The following RIMS4 variants were observed in gnomAD, a reference collection of about 807,000 sequenced individuals.
The protein encoded by RIMS4 is regulating synaptic membrane exocytosis 4.
A neutral mutation model predicts 29.0 loss-of-function variants in RIMS4; 9 were observed. The observed-to-expected ratio is 0.31, with a 90% CI of 0.19 to 0.54. The LOEUF is 0.54. RIMS4 is among the 20% of genes least tolerant of loss of function. RIMS4 has a pLI of 0.94. For synonymous variants in RIMS4, 130 were observed against 152.9 expected, an observed-to-expected ratio of 0.85 and a Z score of 1.10; for missense variants, 193 against 365.7, an observed-to-expected ratio of 0.53 and a Z score of 3.85.
chr20:44,806,522 G>T (rs553070357), intron 1 of RIMS4, among the ~76,000 whole-genome samples: 3 of 152,288 alleles, frequency 2.0e-5, no homozygotes, highest in African/African-American at 7.2e-5. Context: ...TAACTGTAAT[G>T]ATGCAATAAG....
chr20:44,779,304 T>C (rs893257761), intron 1 of RIMS4, among the ~76,000 whole-genome samples: 17 of 152,202 alleles, frequency 1.1e-4, no homozygotes, highest in African/African-American at 3.6e-4. Context: ...GTTGTAAGTG[T>C]ATACCTTGAT....
At chr20:44,796,103 G>A (rs954670336) in intron 1 of RIMS4, among the ~76,000 whole-genome samples, 9 of 130,312 alleles carry the variant, frequency 6.9e-5, no homozygotes, top group Admixed American at 1.7e-4. Context: ...CTCCCCTGCC[G>A]TGCCTTCACT....
intron 1 of RIMS4, among the ~76,000 whole-genome samples, chr20:44,778,859 A>G (rs559138203): frequency 6.6e-6 from 1 of 150,818 alleles, no homozygotes; most frequent in East Asian, 1.9e-4. Context: ...AAGTTACTCA[A>G]CCTCTCTGTG....
At chr20:44,786,269 C>T (rs2066208107) in intron 1 of RIMS4, among the ~76,000 whole-genome samples, 1 of 152,162 alleles carries the variant, frequency 6.6e-6, no homozygotes, top group South Asian at 2.1e-4. Flanking sequence ...AGGGGAACCA[C>T]ACCCCCACCA....
chr20:44,768,709 C>T (rs1258937002), intron 2 of RIMS4, among the ~76,000 whole-genome samples: 1 of 152,210 alleles, frequency 6.6e-6, no homozygotes, highest in Non-Finnish European at 1.5e-5. Flanking sequence ...CTGATACCTC[C>T]TCAGTTGGGC....
At chr20:44,786,915 C>T (rs1425751575) in intron 1 of RIMS4, among the ~76,000 whole-genome samples, 12 of 152,176 alleles carry the variant, frequency 7.9e-5, no homozygotes, top group East Asian at 3.8e-4. Flanking sequence ...ATGTCCAACA[C>T]GGTTCTAGGC....
At chr20:44,770,658 C>T (rs2066132966) in intron 2 of RIMS4, among the ~76,000 whole-genome samples, 1 of 152,142 alleles carries the variant, frequency 6.6e-6, no homozygotes, top group African/African-American at 2.4e-5. Flanking sequence ...GTAACGTGTT[C>T]CCGTGATTCT....
intron 1 of RIMS4, among the ~76,000 whole-genome samples, chr20:44,801,935 C>T (rs1298993928): frequency 6.6e-6 from 1 of 152,136 alleles, no homozygotes; most frequent in Non-Finnish European, 1.5e-5. Flanking sequence ...TTCCTCCAAC[C>T]CAGTGGTTCT....
rs1464044106 is a variant in RIMS4, at chr20:44,810,526, G to A, written c.-255C>T. Among the ~76,000 whole-genome samples the A allele has an allele frequency of 6.9e-6, 1 of 145,600 alleles. No homozygotes were observed. Among genetic ancestry groups the A allele is most frequent in the Non-Finnish European group, 1.5e-5 (1 of 65,610 alleles). On this transcript the variant is annotated 5_prime_UTR_variant, in exon 1 of 6. Coordinates refer to ENST00000372851, the MANE Select transcript of RIMS4 (RefSeq NM_182970.4). The stretch of plus-strand genomic sequence containing the variant: ...CGGCGGCGGCGGCGGTGGCGGCGGC[G>A]GTGGCGGCGCAGCGCGCTCTGGTCC...
At chr20:44,768,758 C>T (rs1388961074) in intron 2 of RIMS4, among the ~76,000 whole-genome samples, 3 of 152,224 alleles carry the variant, frequency 2.0e-5, no homozygotes, top group Non-Finnish European at 4.4e-5. Context: ...AATCGTAATC[C>T]TCACAGCCAA....
chr20:44,788,126 G>T (rs2066216694), intron 1 of RIMS4, among the ~76,000 whole-genome samples: 1 of 152,142 alleles, frequency 6.6e-6, no homozygotes, highest in Non-Finnish European at 1.5e-5. Flanking sequence ...ATTCTCTTCT[G>T]GCTTCTCCAA....
intron 1 of RIMS4, among the ~76,000 whole-genome samples, chr20:44,776,786 G>A (rs374087034): frequency 2.0e-5 from 3 of 152,286 alleles, no homozygotes; most frequent in East Asian, 1.9e-4. Flanking sequence ...CATGCCAAGC[G>A]TTTTACAAAG....
At chr20:44,810,132 C>T (rs776265099) in intron 1 of RIMS4, 43 bp downstream of exon 1, 1 of 1,325,858 alleles carries the variant, frequency 7.5e-7, no homozygotes, top group South Asian at 1.2e-5. Context: ...GGACCTGGAT[C>T]CCGGGACACC....
intron 2 of RIMS4, among the ~76,000 whole-genome samples, chr20:44,760,957 G>C (rs984058935): frequency 1.3e-5 from 2 of 152,148 alleles, no homozygotes; most frequent in Non-Finnish European, 2.9e-5. Context: ...AAAATAGTGT[G>C]ATCAGTAGCT....
In RIMS4 at chr20:44,802,880, C is replaced by T. The variant is rs146080491; in HGVS notation, c.97+7295G>A. Among the ~76,000 whole-genome samples the T allele has an allele frequency of 6.0e-3, 917 of 152,330 alleles. 7 individuals carry two copies. The highest frequency in any genetic ancestry group is 0.021 in the African/African-American group (883 of 41,556). On this transcript the variant is annotated intron_variant, in intron 1 of 5. Transcript: ENST00000372851. ...GCCACACTGGTCTGCTTTCTATTCCCTAAAACTCAAACTCGCACTGACCTC... is the reference window on the plus strand; with the variant it reads ...GCCACACTGGTCTGCTTTCTATTCCTTAAAACTCAAACTCGCACTGACCTC...
chr20:44,808,086 A>G (rs573672069), intron 1 of RIMS4, among the ~76,000 whole-genome samples: 1 of 145,460 alleles, frequency 6.9e-6, no homozygotes, highest in East Asian at 2.0e-4. Context: ...GTGTGTGTAT[A>G]TATATATATA....
intron 1 of RIMS4, among the ~76,000 whole-genome samples, chr20:44,795,248 G>A (rs116015105): frequency 0.027 from 4,121 of 152,324 alleles, 193 homozygotes; most frequent in African/African-American, 0.094. Flanking sequence ...AAGCTCCAGA[G>A]CCCAAAGAGC....
chr20:44,759,756 T>C (rs2066076274), intron 2 of RIMS4, among the ~76,000 whole-genome samples: 1 of 152,210 alleles, frequency 6.6e-6, no homozygotes, highest in Non-Finnish European at 1.5e-5. Context: ...AACTGAGCCA[T>C]ATAAATGGCC....
At chr20:44,780,501 C>G (rs1057389678) in intron 1 of RIMS4, among the ~76,000 whole-genome samples, 4 of 152,202 alleles carry the variant, frequency 2.6e-5, no homozygotes, top group Admixed American at 6.5e-5. Context: ...TGAAATTCCA[C>G]CCTCAAAGAA....
Sources: gnomAD v4.1 joint callset for allele counts (sites outside exome capture counted in the v4.1 genomes callset) on GRCh38, gnomAD v4.1.1 for gene constraint, MANE v1.5 for transcripts, NCBI Gene and HGNC (gene_info 2026-07-23, HGNC 2026-07-21) for gene names.